GNRHR: variants seen among roughly 807,000 people sequenced by gnomAD.
GNRHR encodes the protein gonadotropin-releasing hormone receptor.
A neutral mutation model predicts 28.1 loss-of-function variants in GNRHR; 14 were observed. That is an observed-to-expected ratio of 0.50 (90% CI 0.33 to 0.78). The LOEUF is 0.78. Ranked by LOEUF, GNRHR falls within the 30% of genes least tolerant of loss-of-function variation. The pLI is 0.02. For synonymous variants in GNRHR, 141 were observed against 140.5 expected (o/e 1.00, Z -0.02); for missense variants, 366 against 382.1 (o/e 0.96, Z 0.35).
intron 1 of GNRHR, among the ~76,000 whole-genome samples, chr4:67,748,442 T>C (rs1731802732): frequency 6.6e-6 from 1 of 152,144 alleles, no homozygotes; most frequent in Admixed American, 6.6e-5. Flanking sequence ...TATGTATCCA[T>C]ATGCGTTTAT....
chr4:67,750,524 A>G (rs926252243), intron 1 of GNRHR, among the ~76,000 whole-genome samples: 4 of 152,156 alleles, frequency 2.6e-5, no homozygotes, highest in African/African-American at 9.6e-5. Context: ...TCTATGCCAC[A>G]CTATGCTAAA....
Position 67,754,119 on chromosome 4 carries a change from G to T in GNRHR, c.217C>A (p.Leu73Ile), listed in dbSNP as rs1444316448. 1 of 1,614,104 alleles carries T rather than the reference G, an allele frequency of 6.2e-7. No homozygotes were observed. The highest frequency in any genetic ancestry group is 1.3e-5 in the African/African-American group (1 of 75,048). The change falls in exon 1 of 3, where the codon CTC becomes ATC. Residue 73 changes from leucine to isoleucine, a missense_variant. Coordinates refer to ENST00000226413, the MANE Select transcript of GNRHR (RefSeq NM_000406.3). ...TTTAAGAGCAGCTTCATTCTTGAGA[G>T]CTTTTTCCCTTTCTCTTTCTTCTGT... is the stretch of plus-strand genomic sequence containing the variant. ...WTQKKEKGKK[L>I]SRMKLLLKHL...
At chr4:67,751,809 T>G (rs1054447836) in intron 1 of GNRHR, 1 of 152,202 alleles carries the variant, frequency 6.6e-6, no homozygotes, top group African/African-American at 2.4e-5. Context: ...CCAACTACTT[T>G]ACACATAGTT....
chr4:67,744,514 G>T lies in GNRHR; in HGVS notation c.742+54C>A, dbSNP rs1731718959. The T allele has an allele frequency of 3.1e-5, 30 of 974,150 alleles. No homozygotes were observed. The South Asian group carries it at 3.9e-4, about 13-fold the overall frequency. 60.3% of individuals were successfully genotyped at this position (974,150 alleles called of 1,614,324 possible). On this transcript the variant is annotated intron_variant, in intron 2 of 2. Coordinates refer to ENST00000226413, the MANE Select transcript of GNRHR (RefSeq NM_000406.3). ...CATAGTTCATGCCACTCTGTTTTGAGCATTGCTATTTAAAAACTGCCCACA... is the reference window on the plus strand; with the variant it reads ...CATAGTTCATGCCACTCTGTTTTGATCATTGCTATTTAAAAACTGCCCACA...
chr4:67,741,511 C>A (rs1260243889), intron 2 of GNRHR, among the ~76,000 whole-genome samples: 2 of 152,096 alleles, frequency 1.3e-5, no homozygotes, highest in Non-Finnish European at 2.9e-5. Context: ...TATGAACATT[C>A]CTGTGCAAGT....
chr4:67,745,838 A>G (rs1163381492), intron 1 of GNRHR, among the ~76,000 whole-genome samples: 3 of 152,094 alleles, frequency 2.0e-5, no homozygotes, highest in Non-Finnish European at 4.4e-5. Context: ...GTATAACCTG[A>G]ATCTAACCTT....
intron 1 of GNRHR, among the ~76,000 whole-genome samples, chr4:67,749,122 A>G (rs568741321): frequency 6.6e-6 from 1 of 152,132 alleles, no homozygotes; most frequent in Non-Finnish European, 1.5e-5. Flanking sequence ...GTAGCACAGT[A>G]CTATGTTGTA....
intron 1 of GNRHR, among the ~76,000 whole-genome samples, chr4:67,752,510 T>C (rs1427326140): frequency 6.6e-6 from 1 of 151,998 alleles, no homozygotes; most frequent in East Asian, 1.9e-4. Flanking sequence ...ACTTGGACCA[T>C]AGGTGCAAAA....
chr4:67,744,418 AT>A, intron 2 of GNRHR, 149 bp downstream of exon 2: 1 of 642,948 alleles, frequency 1.6e-6, no homozygotes, highest in Non-Finnish European at 2.8e-6. Context: ...TAATAAAAAT[AT>A]TACCTTATGG....
At chr4:67,747,351 A>C (rs960544090) in intron 1 of GNRHR, 1 of 168,428 alleles carries the variant, frequency 5.9e-6, no homozygotes, top group African/African-American at 2.4e-5. Flanking sequence ...TCTCTGGCCC[A>C]ATGAGTGGAG....
chr4:67,744,393 A>C (rs1011609510), intron 2 of GNRHR, among the ~76,000 whole-genome samples, 175 bp downstream of exon 2: 1 of 152,244 alleles, frequency 6.6e-6, no homozygotes, highest in African/African-American at 2.4e-5. Flanking sequence ...CTGTAAATTG[A>C]TTATGATAAA....
chr4:67,753,559 T>G, intron 1 of GNRHR: 1 of 494,954 alleles, frequency 2.0e-6, no homozygotes, highest in South Asian at 2.7e-5. Context: ...TTTATTTATT[T>G]ATTCATCACA....
chr4:67,750,602 A>G (rs1040117369), intron 1 of GNRHR, among the ~76,000 whole-genome samples: 5 of 152,146 alleles, frequency 3.3e-5, no homozygotes, highest in Admixed American at 1.3e-4. Context: ...AGGAAAGTGG[A>G]AAATCTAGGA....
At chr4:67,746,317 C>T (rs1174484479) in intron 1 of GNRHR, among the ~76,000 whole-genome samples, 1 of 152,008 alleles carries the variant, frequency 6.6e-6, no homozygotes, top group African/African-American at 2.4e-5. Context: ...TGTAACCATT[C>T]TCTGAGTGTC....
In GNRHR at chr4:67,740,084, T is replaced by C. The variant is rs1432574009; in HGVS notation, c.*396A>G. ...TAATATGCCCCTTTTGGAGAAAAAC[T>C]CACCAAAGCATGCTGAGTTTAGACC... On this transcript the variant is annotated 3_prime_UTR_variant, in exon 3 of 3. Coordinates refer to ENST00000226413, the MANE Select transcript of GNRHR (RefSeq NM_000406.3). 1 of 192,500 alleles carries C rather than the reference T, an allele frequency of 5.2e-6. No individual in the cohort carries two copies. The highest frequency in any genetic ancestry group is 1.1e-5 in the Non-Finnish European group (1 of 92,744). The allele number at this position is 192,500 out of a possible 1,614,324, so 11.9% of individuals were successfully genotyped here. A position where few individuals can be genotyped will look rare whatever the true frequency, so the allele number is the denominator to read the frequency against.
At chr4:67,742,788 G>GTGGACATATAGAGGAGAACATT (rs1192978647) in intron 2 of GNRHR, among the ~76,000 whole-genome samples, 4 of 152,036 alleles carry the variant, frequency 2.6e-5, no homozygotes, top group Non-Finnish European at 5.9e-5. Flanking sequence ...TCACCAAAGG[G>GTGGACATATAGAGGAGAACATT]TGGACATATA....
chr4:67,753,025 C>T (rs114788148), intron 1 of GNRHR, among the ~76,000 whole-genome samples: 290 of 152,232 alleles, frequency 1.9e-3, no homozygotes, highest in African/African-American at 6.4e-3. Flanking sequence ...TCCTTTTCTT[C>T]GGGGATCTGA....
At chr4:67,744,910 T>C (rs1731728085) in intron 1 of GNRHR, 123 bp from the exon 2 acceptor site, 3 of 631,376 alleles carry the variant, frequency 4.8e-6, no homozygotes, top group Non-Finnish European at 8.5e-6. Flanking sequence ...CTTAGTGTTA[T>C]ACTTCTGACG....
chr4:67,742,631 T>C (rs921583791), intron 2 of GNRHR, among the ~76,000 whole-genome samples: 4 of 152,226 alleles, frequency 2.6e-5, no homozygotes, highest in Non-Finnish European at 5.9e-5. Context: ...AAAGGTGCAA[T>C]TTTGAAGTGC....
Sources: gnomAD v4.1 joint callset for allele counts (sites outside exome capture counted in the v4.1 genomes callset) on GRCh38, gnomAD v4.1.1 for gene constraint, MANE v1.5 for transcripts, NCBI Gene and HGNC (gene_info 2026-07-23, HGNC 2026-07-21) for gene names.